Variants in MYO5B observed in about 807,000 individuals in gnomAD.
The protein encoded by MYO5B is myosin VB, also known as unconventional myosin-Vb.
Under a neutral mutation model 229.3 loss-of-function variants are expected in MYO5B, and 143 were observed. The observed-to-expected ratio is 0.62, with a 90% confidence interval of 0.54 to 0.72. The LOEUF (loss-of-function observed/expected upper bound fraction) is 0.72, where lower values mean the gene tolerates loss of function less well. Ranked by LOEUF, MYO5B falls within the 30% of genes least tolerant of loss-of-function variation. The pLI is 0.00. For missense variants in MYO5B, 2,321 were observed against 2,331.0 expected (o/e 1.00, Z 0.09); for synonymous variants, 918 against 885.2 (o/e 1.04, Z -0.66).
chr18:50,150,612 T>C (rs547404610), intron 1 of MYO5B, among the ~76,000 whole-genome samples: 1 of 152,164 alleles, frequency 6.6e-6, no homozygotes, highest in African/African-American at 2.4e-5. Flanking sequence ...ATATTCTCAT[T>C]CATAGGTGGG....
intron 1 of MYO5B, among the ~76,000 whole-genome samples, chr18:50,133,605 T>A (rs7236961): frequency 6.6e-6 from 1 of 152,116 alleles, no homozygotes; most frequent in Admixed American, 6.5e-5. Context: ...TCTGTCTGTC[T>A]GTCCCCCCAC....
chr18:49,917,081 CT>C (rs1472255903), intron 17 of MYO5B, among the ~76,000 whole-genome samples: 1 of 152,158 alleles, frequency 6.6e-6, no homozygotes, highest in Non-Finnish European at 1.5e-5. Flanking sequence ...GAATCTCCCC[CT>C]CTCACAGCAT....
intron 2 of MYO5B, among the ~76,000 whole-genome samples, chr18:50,046,818 G>C (rs2030241059): frequency 6.6e-6 from 1 of 152,162 alleles, no homozygotes. Flanking sequence ...TGACAAACCT[G>C]ACAAAAACAA....
At chr18:49,957,013 G>A (rs2144251384) in intron 12 of MYO5B, among the ~76,000 whole-genome samples, 1 of 152,030 alleles carries the variant, frequency 6.6e-6, no homozygotes, top group Non-Finnish European at 1.5e-5. Flanking sequence ...ACAACCTTGT[G>A]AACATACTAA....
rs2144405804 is a variant in MYO5B, at chr18:50,048,407, C to T, written c.138+6861G>A. 1.3e-5 allele frequency among the ~76,000 whole-genome samples: 2 copies of T among 152,304 alleles called. 1 individual carries two copies. Among genetic ancestry groups the T allele is most frequent in the South Asian group, 4.2e-4 (2 of 4,818 alleles). On this transcript the variant is annotated intron_variant, in intron 2 of 39. Coordinates refer to ENST00000285039, the MANE Select transcript of MYO5B (RefSeq NM_001080467.3). ...CTTAATACTGCAAAGGTTTATTTCT[C>T]ATTTATGCTAGGTGCACAAGGCTGG...
chr18:50,078,985 A>C (rs1256434319), intron 1 of MYO5B, among the ~76,000 whole-genome samples: 2 of 152,218 alleles, frequency 1.3e-5, no homozygotes, highest in Non-Finnish European at 2.9e-5. Context: ...AAGAATACAT[A>C]CTAAACTATT....
intron 33 of MYO5B, 40 bp from the exon 34 acceptor site, chr18:49,843,432 T>C (rs1568606284): frequency 6.2e-7 from 1 of 1,609,098 alleles, no homozygotes; most frequent in East Asian, 2.2e-5. Context: ...GTTAGATCTA[T>C]GGGGGACAAT....
intron 1 of MYO5B, among the ~76,000 whole-genome samples, chr18:50,138,930 C>T (rs2032377063): frequency 6.6e-6 from 1 of 152,242 alleles, no homozygotes; most frequent in Admixed American, 6.5e-5. Context: ...CCACCCAGGC[C>T]TGGATCTGCA....
intron 10 of MYO5B, among the ~76,000 whole-genome samples, chr18:49,967,418 C>A (rs527645812): frequency 6.6e-6 from 1 of 152,200 alleles, no homozygotes; most frequent in Non-Finnish European, 1.5e-5. Context: ...GATTGGGAAA[C>A]TCTACGTTCC....
chr18:49,875,806 C>A lies in MYO5B; in HGVS notation c.3418G>T (p.Ala1140Ser). ...QVEEIGLEKA[A>S]MDMTVFLKLQ... ...TTCAGGAAGACCGTCATGTCCATGG[C>A]TGCCTTCTCCAGGCCAATTTCCTTC... is the stretch of plus-strand genomic sequence containing the variant. The change falls in exon 26 of 40, where the codon GCC becomes TCC. Residue 1140 changes from alanine to serine, a missense_variant. Physicochemically the swap from Ala to Ser is moderately conservative, Grantham distance 99 (BLOSUM62 1). Transcript: ENST00000285039. 1 of 1,614,180 alleles carries A rather than the reference C, an allele frequency of 6.2e-7. No individual in the cohort carries two copies. The highest frequency in any genetic ancestry group is 8.5e-7 in the Non-Finnish European group (1 of 1,180,018).
chr18:50,159,343 T>G (rs1456820645), intron 1 of MYO5B, among the ~76,000 whole-genome samples: 3 of 152,210 alleles, frequency 2.0e-5, no homozygotes, highest in African/African-American at 4.8e-5. Context: ...TTTCAACCCC[T>G]GCAGAAAATC....
intron 1 of MYO5B, among the ~76,000 whole-genome samples, chr18:50,160,695 A>G (rs943342669): frequency 2.6e-5 from 4 of 152,286 alleles, no homozygotes; most frequent in African/African-American, 7.2e-5. Context: ...AGATTGAGCT[A>G]GAATCCATCT....
At position 49,917,282 on chromosome 18, in the gene MYO5B, G is replaced by A. The variant is rs76144393; in HGVS notation, c.2091-5109C>T. On this transcript the variant is annotated intron_variant, in intron 17 of 39. Transcript: ENST00000285039. ...AGTTGCCAATTACAGTTTTAAAAAT[G>A]GGTATTCTCCTGACCATTCAACACG... Among the ~76,000 whole-genome samples the A allele has an allele frequency of 6.7e-3, 1,013 of 152,278 alleles. 5 individuals carry two copies. Among genetic ancestry groups the A allele is most frequent in the South Asian group, 0.015 (71 of 4,818 alleles).
intron 1 of MYO5B, among the ~76,000 whole-genome samples, chr18:50,056,181 G>A (rs778653043): frequency 6.6e-6 from 1 of 152,212 alleles, no homozygotes; most frequent in Non-Finnish European, 1.5e-5. Context: ...GTTCTGGCAG[G>A]AAAGAACACA....
intron 1 of MYO5B, among the ~76,000 whole-genome samples, chr18:50,095,031 T>C (rs2031523304): frequency 6.6e-6 from 1 of 152,114 alleles, no homozygotes. Flanking sequence ...GGTTTTGCCA[T>C]GTTGGCCAGG....
intron 1 of MYO5B, among the ~76,000 whole-genome samples, chr18:50,117,052 A>G (rs1034698740): frequency 6.6e-5 from 10 of 152,278 alleles, no homozygotes; most frequent in African/African-American, 2.4e-4. Flanking sequence ...CATTAACCCT[A>G]TCTTCTTTGA....
intron 1 of MYO5B, among the ~76,000 whole-genome samples, chr18:50,143,023 C>G (rs909164822): frequency 1.3e-5 from 2 of 152,252 alleles, no homozygotes; most frequent in South Asian, 2.1e-4. Flanking sequence ...CTTCTTCACA[C>G]AGACTTCTGT....
chr18:50,070,480 C>T (rs1426664270), intron 1 of MYO5B, among the ~76,000 whole-genome samples: 1 of 151,768 alleles, frequency 6.6e-6, no homozygotes, highest in Non-Finnish European at 1.5e-5. Context: ...TTGATTATCA[C>T]AAGGGTTGGG....
intron 7 of MYO5B, among the ~76,000 whole-genome samples, chr18:49,987,510 C>A (rs143175424): frequency 1.2e-3 from 188 of 152,146 alleles, no homozygotes; most frequent in African/African-American, 4.2e-3. Flanking sequence ...CAAAGAATTC[C>A]CAAGGAGAAA....
Sources: allele counts gnomAD v4.1 joint callset (sites outside exome capture counted in the v4.1 genomes callset), GRCh38; gene constraint gnomAD v4.1.1; transcripts MANE v1.5; gene names NCBI Gene and HGNC (gene_info 2026-07-23, HGNC 2026-07-21).